The following CA4 variants were observed in gnomAD, a reference collection of about 807,000 sequenced individuals.
CA4 encodes the protein carbonic anhydrase 4, also known as CA-IV.
Under a neutral mutation model 34.5 loss-of-function variants are expected in CA4, and 24 were observed. That is an observed-to-expected ratio of 0.70 (90% CI 0.50 to 0.98). The LOEUF (loss-of-function observed/expected upper bound fraction) is 0.98. Ranked by LOEUF, CA4 falls within the 50% of genes least tolerant of loss-of-function variation. The pLI is 0.00. For missense variants in CA4, 394 were observed against 396.7 expected, an observed-to-expected ratio of 0.99 and a Z score of 0.06; for synonymous variants, 178 against 170.6, an observed-to-expected ratio of 1.04 and a Z score of -0.34.
chr17:60,172,807 T>G (rs1159250462), downstream of CA4, among the ~76,000 whole-genome samples: 10 of 150,858 alleles, frequency 6.6e-5, no homozygotes, highest in African/African-American at 2.2e-4. Flanking sequence ...TAGTGCCACT[T>G]CACTCCAGCC....
downstream of CA4, among the ~76,000 whole-genome samples, chr17:60,161,871 C>A (rs928389437): frequency 2.6e-5 from 4 of 152,052 alleles, no homozygotes; most frequent in African/African-American, 9.7e-5. Context: ...ATCTAAGCTG[C>A]CCCCCAAAGG....
At chr17:60,176,055 A>T in the CA4 span, among the ~76,000 whole-genome samples, 1 of 152,100 alleles carries the variant, frequency 6.6e-6, no homozygotes, top group Non-Finnish European at 1.5e-5. Context: ...ACCTTAGGTG[A>T]TCCACCTGCT....
intron 1 of CA4, 47 bp downstream of exon 1, chr17:60,150,139 C>T (rs1232163707): frequency 6.7e-7 from 1 of 1,485,172 alleles, no homozygotes; most frequent in East Asian, 2.3e-5. Flanking sequence ...CGGTCCCCTC[C>T]GTGCCCCCAG....
At position 60,167,957 on chromosome 17, in the gene CA4, G is replaced by A. The variant is rs576932191; in HGVS notation, c.*179-2594G>A. ...TCAGGAGCTGCTTACAACATGACAG[G>A]ACAGACTTGCCTGGGTCTACTGCCT... On this transcript the variant is annotated intron_variant and NMD_transcript_variant, in intron 5 of 5. Coordinates refer to the CA4 transcript ENST00000586876. 4.6e-5 allele frequency among the ~76,000 whole-genome samples: 7 copies of A among 152,212 alleles called. No homozygotes were observed. The South Asian group carries it at 1.4e-3, about 31-fold the overall frequency.
In CA4 at chr17:60,158,402, G is replaced by C. The variant is rs117704637; in HGVS notation, c.700G>C (p.Val234Leu). 6.2e-7 allele frequency: 1 copy of C among 1,614,098 alleles called. No homozygotes were observed. Among genetic ancestry groups the C allele is most frequent in the South Asian group, 1.1e-5 (1 of 91,084 alleles). ...CACACCGACCTGCGATGAGAAGGTCGTCTGGACTGTGTTCCGGGAGCCCAT... is the reference window on the plus strand; with the variant it reads ...CACACCGACCTGCGATGAGAAGGTCCTCTGGACTGTGTTCCGGGAGCCCAT... ...LTTPTCDEKVVWTVFREPIQL... is the reference protein window; with the variant it reads ...LTTPTCDEKVLWTVFREPIQL... Residue 234 changes from valine to leucine, a missense_variant, in exon 7 of 8, where the codon GTC becomes CTC. By Grantham distance (32) the Val-to-Leu change is conservative (BLOSUM62 1). Coordinates refer to ENST00000300900, the MANE Select transcript of CA4 (RefSeq NM_000717.5).
chr17:60,153,682 C>A (rs1350485550), intron 1 of CA4, among the ~76,000 whole-genome samples: 2 of 152,222 alleles, frequency 1.3e-5, no homozygotes, highest in Non-Finnish European at 2.9e-5. Flanking sequence ...TCAGATAACT[C>A]CCCTGTGGAG....
At chr17:60,172,026 G>A (rs80133368), downstream of CA4, among the ~76,000 whole-genome samples, 4 of 152,100 alleles carry the variant, frequency 2.6e-5, no homozygotes, top group African/African-American at 4.8e-5. Context: ...GATGATGGCC[G>A]TAGGTATCTC....
chr17:60,165,831 C>CTT (rs202181908), intron 5 of CA4, among the ~76,000 whole-genome samples: 2 of 141,114 alleles, frequency 1.4e-5, no homozygotes. Context: ...TAACAAATCT[C>CTT]TTTTTTTTTT....
rs138395053 is a variant in CA4 at position 60,159,289 on chromosome 17, C to A, written c.804C>A (p.Asp268Glu). Residue 268 changes from aspartate (D) to glutamate (E), a missense_variant, in exon 8 of 8, where the codon GAC becomes GAA. Physicochemically the swap from Asp to Glu is conservative, Grantham distance 45. Coordinates refer to ENST00000300900, the MANE Select transcript of CA4 (RefSeq NM_000717.5). ...YDKEQTVSMKDNVRPLQQLGQ... is the reference protein window; with the variant it reads ...YDKEQTVSMKENVRPLQQLGQ... ...AGGAACAGACAGTGAGCATGAAGGA[C>A]AATGTCAGGCCCCTGCAGCAGCTGG... 1 of 1,610,352 alleles carries A rather than the reference C, an allele frequency of 6.2e-7. No homozygotes were observed.
chr17:60,178,966 A>C, the CA4 span: 1 of 334,686 alleles, frequency 3.0e-6, no homozygotes, highest in South Asian at 6.2e-5. Flanking sequence ...GACAAGCACA[A>C]TTGAATTCTT....
chr17:60,164,503 C>T (rs2145298534), downstream of CA4, among the ~76,000 whole-genome samples: 1 of 152,172 alleles, frequency 6.6e-6, no homozygotes, highest in South Asian at 2.1e-4. Flanking sequence ...GATTCTCCTG[C>T]CTCAGCCTTT....
At chr17:60,156,937 C>T (rs2083697189) in intron 3 of CA4, 3 of 611,580 alleles carry the variant, frequency 4.9e-6, no homozygotes, top group Middle Eastern at 4.4e-4. Flanking sequence ...AGGAAACGTT[C>T]CAGGAAGAAG....
chr17:60,158,158 G>A (rs2083727469), intron 6 of CA4, 31 bp downstream of exon 6: 2 of 1,611,438 alleles, frequency 1.2e-6, no homozygotes, highest in African/African-American at 1.3e-5. Context: ...AGGGCTTGGG[G>A]TGAGGGGGGG....
At chr17:60,154,709 G>C (rs754075672) in intron 1 of CA4, among the ~76,000 whole-genome samples, 2 of 152,204 alleles carry the variant, frequency 1.3e-5, no homozygotes, top group Non-Finnish European at 2.9e-5. Context: ...CCTGTCCCCA[G>C]AGATCAGGAC....
At chr17:60,166,063 C>T (rs73320952) in intron 5 of CA4, among the ~76,000 whole-genome samples, 3,604 of 152,270 alleles carry the variant, frequency 0.024, 167 homozygotes, top group African/African-American at 0.083. Context: ...TTCCTCCTCC[C>T]GGTCACCTCC....
chr17:60,175,131 C>T (rs530982177), downstream of CA4, among the ~76,000 whole-genome samples: 8 of 151,802 alleles, frequency 5.3e-5, no homozygotes, highest in South Asian at 2.1e-4. Flanking sequence ...GCGATCCTCC[C>T]ACCTCAGCCT....
In CA4 at chr17:60,155,334, G is replaced by A; in HGVS notation, c.79G>A (p.Val27Ile). The change falls in exon 2 of 8, where the codon GTT (valine) becomes ATT (isoleucine). Residue 27 changes from valine (V) to isoleucine (I), a missense_variant. Val to Ile is a conservative substitution (Grantham distance 29). Coordinates refer to ENST00000300900, the MANE Select transcript of CA4 (RefSeq NM_000717.5). ...TCCAGAGTCACACTGGTGCTACGAG[G>A]TTCAAGCCGAGTCCTCCAACTACCC... ...ASAESHWCYE[V>I]QAESSNYPCL... 6.2e-7 allele frequency: 1 copy of A among 1,611,230 alleles called. No homozygotes were observed.
At chr17:60,177,091 G>C in the CA4 span, among the ~76,000 whole-genome samples, 1 of 152,182 alleles carries the variant, frequency 6.6e-6, no homozygotes, top group Non-Finnish European at 1.5e-5. Flanking sequence ...GCTCTACAGA[G>C]TTTCCAACCT....
downstream of CA4, among the ~76,000 whole-genome samples, chr17:60,172,353 C>T (rs1007419072): frequency 6.6e-6 from 1 of 152,166 alleles, no homozygotes; most frequent in East Asian, 1.9e-4. Flanking sequence ...CTTCTGCCTC[C>T]TTTTTTCTTC....
Sources: allele counts gnomAD v4.1 joint callset (sites outside exome capture counted in the v4.1 genomes callset), GRCh38; gene constraint gnomAD v4.1.1; transcripts MANE v1.5; gene names NCBI Gene and HGNC (gene_info 2026-07-23, HGNC 2026-07-21).